Variants in KDM2A observed in about 807,000 individuals in gnomAD.
KDM2A encodes lysine-specific demethylase 2A.
Under a neutral mutation model 137.3 loss-of-function variants are expected in KDM2A, and 3 were observed. The observed-to-expected ratio is 0.02, with a 90% CI of 0.01 to 0.06. The LOEUF is 0.06. Among genes scored for constraint, KDM2A ranks in the 10% least tolerant of loss-of-function variants. KDM2A has a pLI of 1.00. For synonymous variants in KDM2A, 512 were observed against 541.5 expected, an observed-to-expected ratio of 0.95 and a Z score of 0.76; for missense variants, 738 against 1,510.6, an observed-to-expected ratio of 0.49 and a Z score of 8.48.
rs766672142 is a variant in KDM2A at position 67,250,519 on chromosome 11, G to A, written c.2489G>A (p.Arg830His). Residue 830 changes from arginine to histidine, a missense_variant, in exon 17 of 21, where the codon CGC becomes CAC. Coordinates refer to ENST00000529006, the MANE Select transcript of KDM2A (RefSeq NM_012308.3). The surrounding 1 kb of genome is among the most constrained non-coding windows in gnomAD (Gnocchi z 7.1). Reference sequence around the variant, plus strand: ...ATCACGGCCTCCTCTGCCAACCTTCGCCATTCCCCCCGTGTGCTAGTGCAG... The same window carrying A: ...ATCACGGCCTCCTCTGCCAACCTTCACCATTCCCCCCGTGTGCTAGTGCAG... ...QAITASSANLRHSPRVLVQHC... is the reference protein window; with the variant it reads ...QAITASSANLHHSPRVLVQHC... 3.1e-6 allele frequency: 5 copies of A among 1,613,828 alleles called. No individual in the cohort carries two copies. Among genetic ancestry groups the A allele is most frequent in the Admixed American group, 3.3e-5 (2 of 60,004 alleles).
chr11:67,181,120 C>G (rs1002556341), intron 3 of KDM2A, among the ~76,000 whole-genome samples, 200 bp from the exon 4 acceptor site: 5 of 152,048 alleles, frequency 3.3e-5, no homozygotes, highest in Admixed American at 2.0e-4. Flanking sequence ...GAAAACCCCT[C>G]AAGCGTTGCT....
At chr11:67,176,389 A>G (rs1856973931) in intron 2 of KDM2A, among the ~76,000 whole-genome samples, 2 of 152,192 alleles carry the variant, frequency 1.3e-5, no homozygotes, top group Non-Finnish European at 2.9e-5. Flanking sequence ...TTAGTTTTAA[A>G]TTCTAGATTT....
rs1322031345 is a variant in KDM2A, at chr11:67,255,470, T to TC, written c.*417dup. The TC allele has an allele frequency of 2.2e-6, 1 of 459,374 alleles. No individual in the cohort carries two copies. Among genetic ancestry groups the TC allele is most frequent in the South Asian group, 1.5e-5 (1 of 64,580 alleles). The allele number at this position is 459,374 out of a possible 1,614,324, so 28.5% of individuals were successfully genotyped here. ...TCCCAGGGAAGAAAACGGCCCTGTC[T>TC]CCATGGCCAGGTTCTTGTGGTGTCC... On this transcript the variant is annotated 3_prime_UTR_variant, in exon 21 of 21. Transcript: ENST00000529006.
intron 2 of KDM2A, among the ~76,000 whole-genome samples, chr11:67,125,639 G>C (rs958550811): frequency 6.6e-6 from 1 of 151,744 alleles, no homozygotes; most frequent in African/African-American, 2.4e-5. Context: ...GGGCACTGGG[G>C]GTGGTGGTGC....
At position 67,150,013 on chromosome 11, in the gene KDM2A, C is replaced by T. The variant is rs946591450; in HGVS notation, c.42+28655C>T. 2.6e-5 allele frequency among the ~76,000 whole-genome samples: 4 copies of T among 152,096 alleles called. 1 individual carries two copies. Among genetic ancestry groups the T allele is most frequent in the South Asian group, 4.1e-4 (2 of 4,830 alleles). On this transcript the variant is annotated intron_variant, in intron 2 of 20. Transcript: ENST00000529006. ...CTGGGATTACAGGCGTGAGCCACTG[C>T]GCATGGCCTAGAATCTGTATTTTAG...
chr11:67,247,073 T>TTA (rs1859266398), intron 15 of KDM2A, among the ~76,000 whole-genome samples: 1 of 43,742 alleles, frequency 2.3e-5, no homozygotes, highest in African/African-American at 1.2e-4. Context: ...ATATATATAT[T>TTA]TTTTTTTTTT....
chr11:67,168,589 A>ACACAC lies in KDM2A; in HGVS notation c.43-11489_43-11485dup, dbSNP rs1416409784. ...ACAGTCTTGTATGAATTATACACAC[A>ACACAC]CACACACACACACACACACACACAC... On this transcript the variant is annotated intron_variant, in intron 2 of 20. Coordinates refer to ENST00000529006, the MANE Select transcript of KDM2A (RefSeq NM_012308.3). 1.0e-3 allele frequency among the ~76,000 whole-genome samples: 19 copies of ACACAC among 18,314 alleles called. 4 individuals carry two copies. The highest frequency in any genetic ancestry group is 9.7e-5 in the Non-Finnish European group (1 of 10,266). The allele number at this position is 18,314 out of a possible 152,430, so 12.0% of individuals were successfully genotyped here. A position where few individuals can be genotyped will look rare whatever the true frequency, so the allele number is the denominator to read the frequency against.
In KDM2A at chr11:67,176,948, T is replaced by TA. The variant is rs748026091; in HGVS notation, c.43-3127dup. On this transcript the variant is annotated intron_variant, in intron 2 of 20. Transcript: ENST00000529006. Reference sequence around the variant, plus strand: ...GAACAGTGTTTTATTTTTTAATTTATAAAATTTTTTTTTTCAATAATAAAC... The same window carrying TA: ...GAACAGTGTTTTATTTTTTAATTTATAAAAATTTTTTTTTTCAATAATAAAC... Among the ~76,000 whole-genome samples, 6 of 152,238 alleles carry TA rather than the reference T, an allele frequency of 3.9e-5. No individual in the cohort carries two copies. The South Asian group carries it at 6.2e-4, about 16-fold the overall frequency.
At chr11:67,221,740 T>TGGGA (rs1858355524) in intron 10 of KDM2A, among the ~76,000 whole-genome samples, 1 of 152,026 alleles carries the variant, frequency 6.6e-6, no homozygotes, top group Non-Finnish European at 1.5e-5. Flanking sequence ...GAGCCCAAAG[T>TGGGA]GGGAGGATTA....
Position 67,217,536 on chromosome 11 carries a change from G to C in KDM2A, c.688-195G>C, listed in dbSNP as rs189966107. The C allele has an allele frequency of 4.4e-4, 259 of 592,872 alleles. 1 individual carries two copies. The highest frequency in any genetic ancestry group is 8.3e-4 in the Admixed American group (28 of 33,728). 36.7% of individuals were successfully genotyped at this position (592,872 alleles called of 1,614,324 possible). ...CCCAAGGGAAGCCTTAATGCTGTTG[G>C]ATCAAGTGAAGGATAAGAAAGATCT... On this transcript the variant is annotated intron_variant, in intron 8 of 20. Coordinates refer to ENST00000529006, the MANE Select transcript of KDM2A (RefSeq NM_012308.3).
intron 17 of KDM2A, 74 bp from the exon 18 acceptor site, chr11:67,252,620 A>G (rs1386731603): frequency 6.6e-7 from 1 of 1,508,282 alleles, no homozygotes; most frequent in South Asian, 1.2e-5. Context: ...TTTTCCCAGA[A>G]GCCATAAGCA....
chr11:67,254,625 G>T lies in KDM2A; in HGVS notation c.3307+207G>T. 1 of 638,540 alleles carries T rather than the reference G, an allele frequency of 1.6e-6. No individual in the cohort carries two copies. The highest frequency in any genetic ancestry group is 2.7e-5 in the East Asian group (1 of 36,648). The allele number at this position is 638,540 out of a possible 1,614,324, so 39.6% of individuals were successfully genotyped here. A position where few individuals can be genotyped will look rare whatever the true frequency, so the allele number is the denominator to read the frequency against. On this transcript the variant is annotated intron_variant, in intron 20 of 20. Transcript: ENST00000529006. The surrounding 1 kb of genome is among the most constrained non-coding windows in gnomAD (Gnocchi z 4.7). Reference sequence around the variant, plus strand: ...GAGTAGTTAAGTCGGTTGCCTGTCTGCGCAGCCAACATCCAGCTGGAGTTT... The same window carrying T: ...GAGTAGTTAAGTCGGTTGCCTGTCTTCGCAGCCAACATCCAGCTGGAGTTT...
chr11:67,241,071 GC>G (rs1249228118), intron 12 of KDM2A, among the ~76,000 whole-genome samples: 1 of 152,124 alleles, frequency 6.6e-6, no homozygotes, highest in Non-Finnish European at 1.5e-5. Context: ...AGTCTGTTTT[GC>G]TGAAAGTGGA....
chr11:67,173,070 A>C (rs1856910974), intron 2 of KDM2A, among the ~76,000 whole-genome samples: 1 of 152,036 alleles, frequency 6.6e-6, no homozygotes, highest in Admixed American at 6.6e-5. Context: ...AGTTCACTGC[A>C]GCTTGGACCT....
At position 67,164,140 on chromosome 11, in the gene KDM2A, A is replaced by G. The variant is rs907443246; in HGVS notation, c.43-15939A>G. 1.1e-4 allele frequency among the ~76,000 whole-genome samples: 17 copies of G among 152,340 alleles called. 1 individual carries two copies. The highest frequency in any genetic ancestry group is 2.9e-4 in the African/African-American group (12 of 41,584). On this transcript the variant is annotated intron_variant, in intron 2 of 20. Coordinates refer to ENST00000529006, the MANE Select transcript of KDM2A (RefSeq NM_012308.3). ...ACAGCCATCCTGTGCATTAGGTGAC[A>G]TTCTTGACATTTTCACATGAGAAAA...
chr11:67,184,387 T>C (rs189941112), intron 5 of KDM2A, among the ~76,000 whole-genome samples: 49 of 152,190 alleles, frequency 3.2e-4, no homozygotes, highest in Non-Finnish European at 2.6e-4. Context: ...CCCAGCACTT[T>C]GGGAGGCCGA....
At chr11:67,189,458 A>T (rs1857290964) in intron 5 of KDM2A, among the ~76,000 whole-genome samples, 1 of 152,220 alleles carries the variant, frequency 6.6e-6, no homozygotes, top group Non-Finnish European at 1.5e-5. Context: ...TTGCAGTAGC[A>T]TGTGCCTATA....
At chr11:67,154,605 CTT>C (rs879414778) in intron 2 of KDM2A, among the ~76,000 whole-genome samples, 2 of 143,934 alleles carry the variant, frequency 1.4e-5, no homozygotes, top group Non-Finnish European at 3.1e-5. Context: ...CTAATTTTTT[CTT>C]TTTTTTTTTT....
At chr11:67,170,323 A>G (rs891968011) in intron 2 of KDM2A, among the ~76,000 whole-genome samples, 21 of 152,012 alleles carry the variant, frequency 1.4e-4, no homozygotes, top group African/African-American at 4.8e-4. Flanking sequence ...TCCCTTAACA[A>G]ATATCAGAAA....
Sources: gnomAD v4.1 joint callset for allele counts (sites outside exome capture counted in the v4.1 genomes callset) on GRCh38, gnomAD v4.1.1 for gene constraint, Gnocchi (gnomAD v3.1) non-coding constraint, MANE v1.5 for transcripts, NCBI Gene and HGNC (gene_info 2026-07-23, HGNC 2026-07-21) for gene names.